Variants in FARS2 observed in about 807,000 individuals in gnomAD.
FARS2 encodes the protein phenylalanine--tRNA ligase, mitochondrial.
FARS2 carries 40 observed loss-of-function variants against 46.4 expected under a neutral mutation model. That is an observed-to-expected ratio of 0.86 (90% CI 0.67 to 1.12). FARS2 has a LOEUF of 1.12. Ranked by LOEUF, FARS2 falls within the 50% of genes most tolerant of loss-of-function variation. The probability of loss-of-function intolerance (pLI) is 0.00; values close to 1 mark genes in which losing one functional copy is unlikely to be tolerated. For missense variants in FARS2, 513 were observed against 567.9 expected (o/e 0.90, Z 0.98); for synonymous variants, 234 against 214.9 (o/e 1.09, Z -0.78).
chr6:5,675,628 T>C (rs1214430244), intron 6 of FARS2, among the ~76,000 whole-genome samples: 2 of 152,222 alleles, frequency 1.3e-5, no homozygotes, highest in Non-Finnish European at 2.9e-5. Context: ...GTCTTTGAGA[T>C]TTGTGTCTCC....
intron 5 of FARS2, among the ~76,000 whole-genome samples, chr6:5,554,766 A>G (rs1043353492): frequency 3.9e-5 from 6 of 152,194 alleles, no homozygotes; most frequent in Non-Finnish European, 2.9e-5. Flanking sequence ...AAGTAGTTCA[A>G]CCATAACTGT....
chr6:5,638,130 G>T (rs1027922898), intron 6 of FARS2, among the ~76,000 whole-genome samples: 1 of 152,188 alleles, frequency 6.6e-6, no homozygotes, highest in Non-Finnish European at 1.5e-5. Flanking sequence ...AGATGGTGCT[G>T]TCCAGTCACT....
chr6:5,578,715 G>C, intron 5 of FARS2, among the ~76,000 whole-genome samples: 1 of 150,846 alleles, frequency 6.6e-6, no homozygotes, highest in East Asian at 2.0e-4. Flanking sequence ...AGGCTGAGGC[G>C]GGAGAATGGT....
At chr6:5,288,688 T>C (rs1581699512) in intron 1 of FARS2, among the ~76,000 whole-genome samples, 1 of 152,242 alleles carries the variant, frequency 6.6e-6, no homozygotes, top group Non-Finnish European at 1.5e-5. Flanking sequence ...GGGGACAAAA[T>C]CCCTGCTCTC....
intron 1 of FARS2, among the ~76,000 whole-genome samples, chr6:5,341,227 ATATATATATTTTTTTTTTTTT>A: frequency 2.2e-4 from 1 of 4,646 alleles, no homozygotes; most frequent in African/African-American, 9.6e-4. Flanking sequence ...ATATATATAT[ATATATATATTTTTTTTTTTTT>A]TTTTTTTTTC....
intron 4 of FARS2, among the ~76,000 whole-genome samples, chr6:5,450,693 A>AG (rs1261512604): frequency 8.2e-5 from 1 of 12,186 alleles, no homozygotes; most frequent in Non-Finnish European, 1.9e-4. Flanking sequence ...TGTGGGAGGT[A>AG]GTGTGCCGCC....
rs143676887 is a variant in FARS2 at position 5,475,876 on chromosome 6, G to A, written c.904+44704G>A. Among the ~76,000 whole-genome samples the A allele has an allele frequency of 7.9e-5, 12 of 152,136 alleles. No homozygotes were observed. In the East Asian group the frequency reaches 2.1e-3, roughly 27 times the overall value. On this transcript the variant is annotated intron_variant, in intron 4 of 6. Transcript: ENST00000274680. ...TGGCTTGCTGTCATGGATGCCGGTCGTTGCTCCCCTGATGTTGTTTTCTCC... is the reference window on the plus strand; with the variant it reads ...TGGCTTGCTGTCATGGATGCCGGTCATTGCTCCCCTGATGTTGTTTTCTCC...
intron 6 of FARS2, among the ~76,000 whole-genome samples, chr6:5,687,364 T>G (rs147997090): frequency 0.014 from 2,175 of 152,336 alleles, 43 homozygotes; most frequent in African/African-American, 0.046. Flanking sequence ...CCATCTCGCA[T>G]TAATTTTTGT....
intron 5 of FARS2, among the ~76,000 whole-genome samples, chr6:5,584,059 T>C (rs1773477600): frequency 6.7e-6 from 1 of 149,220 alleles, no homozygotes; most frequent in Admixed American, 6.8e-5. Flanking sequence ...AGTTCCAGTT[T>C]CTCCCCTTAG....
chr6:5,732,523 A>G (rs1175633025), intron 6 of FARS2, among the ~76,000 whole-genome samples: 1 of 152,206 alleles, frequency 6.6e-6, no homozygotes, highest in African/African-American at 2.4e-5. Context: ...TGTTCAGCAA[A>G]TGAATAAATG....
At chr6:5,648,334 C>A (rs563567838) in intron 6 of FARS2, among the ~76,000 whole-genome samples, 1 of 152,344 alleles carries the variant, frequency 6.6e-6, no homozygotes, top group Admixed American at 6.5e-5. Flanking sequence ...TCTCTGCTGT[C>A]ACTTACTGGC....
At chr6:5,729,751 T>C (rs2150934445) in intron 6 of FARS2, among the ~76,000 whole-genome samples, 1 of 152,352 alleles carries the variant, frequency 6.6e-6, no homozygotes, top group Non-Finnish European at 1.5e-5. Flanking sequence ...TTGTTTTTTG[T>C]ATGTTTGCTT....
intron 1 of FARS2, among the ~76,000 whole-genome samples, chr6:5,316,700 C>A (rs1482557596): frequency 6.6e-6 from 1 of 152,220 alleles, no homozygotes; most frequent in African/African-American, 2.4e-5. Flanking sequence ...GCCACACTTT[C>A]ATGAATTTTA....
intron 4 of FARS2, among the ~76,000 whole-genome samples, chr6:5,544,420 T>C (rs377709159): frequency 9.8e-5 from 2 of 20,508 alleles, no homozygotes; most frequent in African/African-American, 3.9e-4. Context: ...GTTGGAATTA[T>C]ATCCTTTCAT....
intron 1 of FARS2, among the ~76,000 whole-genome samples, chr6:5,285,224 C>T (rs916299432): frequency 2.0e-5 from 3 of 152,050 alleles, no homozygotes; most frequent in Non-Finnish European, 4.4e-5. Flanking sequence ...TGAGAAGCAT[C>T]GGATGCAGTG....
At position 5,668,818 on chromosome 6, in the gene FARS2, C is replaced by T. The variant is rs550726063; in HGVS notation, c.1217+55498C>T. Reference sequence around the variant, plus strand: ...AAGTGATTTTCCTGCCTCAGCTTCCCGAGGAGCTGAGATTACAGGCACCCA... The same window carrying T: ...AAGTGATTTTCCTGCCTCAGCTTCCTGAGGAGCTGAGATTACAGGCACCCA... On this transcript the variant is annotated intron_variant, in intron 6 of 6. Transcript: ENST00000274680. Among the ~76,000 whole-genome samples, 5 of 151,574 alleles carry T rather than the reference C, an allele frequency of 3.3e-5. No homozygotes were observed. In the South Asian group the frequency reaches 1.0e-3, roughly 32 times the overall value.
chr6:5,332,050 C>CTATGAAAATAAAGATT (rs1770834825), intron 1 of FARS2, among the ~76,000 whole-genome samples: 1 of 152,102 alleles, frequency 6.6e-6, no homozygotes, highest in Non-Finnish European at 1.5e-5. Context: ...TATTCCTGAT[C>CTATGAAAATAAAGATT]CCCTTTAGTT....
chr6:5,771,487 A>T lies in FARS2; in HGVS notation c.*58A>T. On this transcript the variant is annotated 3_prime_UTR_variant, in exon 7 of 7. Coordinates refer to ENST00000274680, the MANE Select transcript of FARS2 (RefSeq NM_006567.5). Reference sequence around the variant, plus strand: ...GGGGCTCCAGGATTTGCTGAAAGAGAAAAAGATATGGTTTGTGAACTGGGG... The same window carrying T: ...GGGGCTCCAGGATTTGCTGAAAGAGTAAAAGATATGGTTTGTGAACTGGGG... 6.4e-7 allele frequency: 1 copy of T among 1,556,458 alleles called. No homozygotes were observed. The highest frequency in any genetic ancestry group is 2.1e-5 in the Admixed American group (1 of 47,930).
At chr6:5,393,906 T>C (rs898686061) in intron 2 of FARS2, among the ~76,000 whole-genome samples, 3 of 152,190 alleles carry the variant, frequency 2.0e-5, no homozygotes, top group Non-Finnish European at 4.4e-5. Context: ...ATCTCGAGCA[T>C]CCTGCTATGC....
Sources: gnomAD v4.1 joint callset for allele counts (sites outside exome capture counted in the v4.1 genomes callset) on GRCh38, gnomAD v4.1.1 for gene constraint, MANE v1.5 for transcripts, NCBI Gene and HGNC (gene_info 2026-07-23, HGNC 2026-07-21) for gene names.